Variants in LAMP3 observed in about 807,000 individuals in gnomAD.
LAMP3 encodes lysosome-associated membrane glycoprotein 3.
Under a neutral mutation model 34.8 loss-of-function variants are expected in LAMP3, and 26 were observed. That is an observed-to-expected ratio of 0.75 (90% CI 0.55 to 1.04). The LOEUF (loss-of-function observed/expected upper bound fraction) is 1.04, where lower values mean the gene tolerates loss of function less well. Ranked by LOEUF, LAMP3 falls within the 50% of genes least tolerant of loss-of-function variation. The probability of loss-of-function intolerance (pLI) is 0.00; values close to 1 mark genes in which losing one functional copy is unlikely to be tolerated. For synonymous variants in LAMP3, 180 were observed against 201.9 expected (o/e 0.89, Z 0.92); for missense variants, 495 against 524.0 (o/e 0.94, Z 0.54).
intron 1 of LAMP3, among the ~76,000 whole-genome samples, chr3:183,160,635 A>C (rs1366872656): frequency 6.6e-6 from 1 of 152,192 alleles, no homozygotes; most frequent in Non-Finnish European, 1.5e-5. Context: ...TCTGTAAAAT[A>C]GGGATAAGAA....
In LAMP3 at chr3:183,135,727, G is replaced by A; in HGVS notation, c.1107C>T (p.His369=). ...CGACCCTTAACTTACCATTTCCAAA[G>A]TGGTCATCTTCAAAATCAAAGGCTT... ...QLQAFDFEDD[H]FGNVDECSSD... Residue 369 remains histidine (H), a synonymous_variant, in exon 5 of 6, where the codon CAC becomes CAT. Transcript: ENST00000265598. The A allele has an allele frequency of 6.2e-7, 1 of 1,614,096 alleles. No individual in the cohort carries two copies. Among genetic ancestry groups the A allele is most frequent in the South Asian group, 1.1e-5 (1 of 91,090 alleles).
chr3:183,140,471 T>C lies in LAMP3; in HGVS notation c.946+67A>G, dbSNP rs368696331. 4 of 748,190 alleles carry C rather than the reference T, an allele frequency of 5.3e-6. No homozygotes were observed. The African/African-American group carries it at 8.2e-5, about 15-fold the overall frequency. 46.3% of individuals were successfully genotyped at this position (748,190 alleles called of 1,614,324 possible). On this transcript the variant is annotated intron_variant, in intron 4 of 5. Coordinates refer to ENST00000265598, the MANE Select transcript of LAMP3 (RefSeq NM_014398.4). ...TCAAACATGAGAAGATTCAATGGGA[T>C]GAAAGGTGAGCTAACCAACAGAAAC...
At chr3:183,139,690 G>C (rs1356067019) in intron 4 of LAMP3, among the ~76,000 whole-genome samples, 1 of 152,180 alleles carries the variant, frequency 6.6e-6, no homozygotes, top group Non-Finnish European at 1.5e-5. Flanking sequence ...TAATTGTACT[G>C]TACTCACCTG....
chr3:183,135,884 G>T lies in LAMP3; in HGVS notation c.950C>A (p.Thr317Lys), dbSNP rs761547141. The change falls in exon 5 of 6, where the codon ACA (threonine) becomes AAA (lysine). Residue 317 changes from threonine to lysine, a missense_variant. By Grantham distance (78) the Thr-to-Lys change is moderately conservative. Coordinates refer to ENST00000265598, the MANE Select transcript of LAMP3 (RefSeq NM_014398.4). ...CGCATGTTTGATTCCTTGGTAAATT[G>T]TCTCTGAAAAGGTGACAGATAGATG... Reference protein sequence around the residue: ...GAYLTVSDPETIYQGIKHAVV... With the variant: ...GAYLTVSDPEKIYQGIKHAVV... 6.2e-7 allele frequency: 1 copy of T among 1,612,490 alleles called. No individual in the cohort carries two copies. Among genetic ancestry groups the T allele is most frequent in the South Asian group, 1.1e-5 (1 of 91,044 alleles).
At chr3:183,124,343 G>T in intron 5 of LAMP3, 129 bp from the exon 6 acceptor site, 1 of 752,002 alleles carries the variant, frequency 1.3e-6, no homozygotes, top group Non-Finnish European at 2.0e-6. Context: ...CCATTAACTA[G>T]CTTTGTGACC....
intron 4 of LAMP3, among the ~76,000 whole-genome samples, chr3:183,137,815 C>T (rs1441568886): frequency 6.6e-6 from 1 of 151,452 alleles, no homozygotes; most frequent in Non-Finnish European, 1.5e-5. Context: ...ACTTCCCCTT[C>T]CCCCCACCTT....
intron 2 of LAMP3, 41 bp from the exon 3 acceptor site, chr3:183,152,544 G>A (rs759623345): frequency 2.6e-6 from 4 of 1,559,248 alleles, no homozygotes; most frequent in Admixed American, 3.8e-5. Flanking sequence ...AGATGTAGAG[G>A]AAAACTCTAG....
At chr3:183,154,889 T>C (rs1720780556) in intron 1 of LAMP3, among the ~76,000 whole-genome samples, 1 of 152,016 alleles carries the variant, frequency 6.6e-6, no homozygotes, top group Non-Finnish European at 1.5e-5. Context: ...GAAAGGGGTC[T>C]TAAAAGTCAT....
chr3:183,144,372 T>G (rs1284782162), intron 3 of LAMP3, among the ~76,000 whole-genome samples: 2 of 152,164 alleles, frequency 1.3e-5, no homozygotes, highest in Non-Finnish European at 2.9e-5. Flanking sequence ...ACAAGTGCAT[T>G]GATGAAGTTT....
intron 3 of LAMP3, among the ~76,000 whole-genome samples, chr3:183,151,372 T>C (rs181951263): frequency 1.3e-3 from 200 of 151,880 alleles, no homozygotes; most frequent in African/African-American, 4.5e-3. Flanking sequence ...ATCACTGCAA[T>C]TGCAGCTGCT....
chr3:183,158,599 G>A (rs1424762701), intron 1 of LAMP3, among the ~76,000 whole-genome samples: 1 of 151,784 alleles, frequency 6.6e-6, no homozygotes, highest in Non-Finnish European at 1.5e-5. Context: ...AGAGGCGTTA[G>A]AAGGTTTTGG....
At chr3:183,163,280 CTTTTT>C (rs1721037646), upstream of LAMP3, among the ~76,000 whole-genome samples, 1 of 124,792 alleles carries the variant, frequency 8.0e-6, no homozygotes, top group Non-Finnish European at 1.6e-5. Flanking sequence ...TATTTCTTTT[CTTTTT>C]ATTTCTTTTG....
rs192348912 is a variant in LAMP3 at position 183,138,085 on chromosome 3, A to G, written c.947-2198T>C. Among the ~76,000 whole-genome samples, 3 of 152,116 alleles carry G rather than the reference A, an allele frequency of 2.0e-5. No individual in the cohort carries two copies. The East Asian group carries it at 5.8e-4, about 29-fold the overall frequency. ...TGATCTGCCCACCTCAGCCTCCCAA[A>G]GTGCTGGTATTACAGGCGTGAACCA... is the stretch of plus-strand genomic sequence containing the variant. On this transcript the variant is annotated intron_variant, in intron 4 of 5. Transcript: ENST00000265598.
chr3:183,149,559 AAAAAAAAAAAAAAAAATATATATATAT>A (rs1330167734), intron 3 of LAMP3, among the ~76,000 whole-genome samples: 1 of 27,192 alleles, frequency 3.7e-5, no homozygotes, highest in African/African-American at 1.0e-4. Context: ...AAAAAAAAAA[AAAAAAAAAAAAAAAAATATATATATAT>A]ATATATATAT....
chr3:183,131,927 G>T (rs1319009233), intron 5 of LAMP3: 3 of 985,192 alleles, frequency 3.0e-6, no homozygotes, highest in Non-Finnish European at 3.6e-6. Context: ...CATCAGGAAT[G>T]TACTGCTTTT....
intron 3 of LAMP3, among the ~76,000 whole-genome samples, chr3:183,142,861 C>G (rs1349257814): frequency 6.6e-6 from 1 of 152,164 alleles, no homozygotes; most frequent in African/African-American, 2.4e-5. Context: ...GAAAACAAGT[C>G]TGAGCCCTTC....
intron 5 of LAMP3, among the ~76,000 whole-genome samples, chr3:183,130,741 A>G (rs1719894936): frequency 6.6e-6 from 1 of 152,180 alleles, no homozygotes; most frequent in Admixed American, 6.6e-5. Context: ...TTTCTTCCCC[A>G]GTTCACCTCC....
Position 183,123,561 on chromosome 3 carries a change from A to G in LAMP3, c.*520T>C, listed in dbSNP as rs1719717287. On this transcript the variant is annotated 3_prime_UTR_variant, in exon 6 of 6. Coordinates refer to ENST00000265598, the MANE Select transcript of LAMP3 (RefSeq NM_014398.4). Reference sequence around the variant, plus strand: ...GTGACAAGAGTGAAACTCCGTCTCAAAAAACAAAAACAAATTTAAAGTGGA... The same window carrying G: ...GTGACAAGAGTGAAACTCCGTCTCAGAAAACAAAAACAAATTTAAAGTGGA... 1 of 153,890 alleles carries G rather than the reference A, an allele frequency of 6.5e-6. No homozygotes were observed. Among genetic ancestry groups the G allele is most frequent in the Non-Finnish European group, 1.4e-5 (1 of 69,092 alleles). 9.5% of individuals were successfully genotyped at this position (153,890 alleles called of 1,614,324 possible).
At chr3:183,129,840 T>C (rs919402924) in intron 5 of LAMP3, among the ~76,000 whole-genome samples, 2 of 152,168 alleles carry the variant, frequency 1.3e-5, no homozygotes, top group African/African-American at 4.8e-5. Flanking sequence ...CCACAGAACA[T>C]GTATTAGGAC....
Sources: allele counts gnomAD v4.1 joint callset (sites outside exome capture counted in the v4.1 genomes callset), GRCh38; gene constraint gnomAD v4.1.1; transcripts MANE v1.5; gene names NCBI Gene and HGNC (gene_info 2026-07-23, HGNC 2026-07-21).